Variants in PRKG1 observed in about 807,000 individuals in gnomAD.
The protein encoded by PRKG1 is protein kinase cGMP-dependent 1.
A neutral mutation model predicts 88.1 loss-of-function variants in PRKG1; 35 were observed. The observed-to-expected ratio is 0.40, with a 90% CI of 0.30 to 0.53. The LOEUF (loss-of-function observed/expected upper bound fraction) is 0.53, where lower values mean the gene tolerates loss of function less well. Among genes scored for constraint, PRKG1 ranks in the 20% least tolerant of loss-of-function variants. PRKG1 has a pLI of 0.59. For missense variants in PRKG1, 540 were observed against 839.8 expected, an observed-to-expected ratio of 0.64 and a Z score of 4.41; for synonymous variants, 303 against 292.5, an observed-to-expected ratio of 1.04 and a Z score of -0.37.
intron 5 of PRKG1, among the ~76,000 whole-genome samples, chr10:52,009,916 T>G (rs76010419): frequency 0.014 from 2,071 of 152,168 alleles, 47 homozygotes; most frequent in African/African-American, 0.048. Context: ...AAACAAGCAA[T>G]GGGGAAAGGA....
chr10:51,565,453 A>T (rs901075134), intron 3 of PRKG1, among the ~76,000 whole-genome samples: 2 of 152,080 alleles, frequency 1.3e-5, no homozygotes, highest in Non-Finnish European at 2.9e-5. Context: ...AATGTAAAGC[A>T]TACATCAAAC....
chr10:51,843,568 A>C (rs1389292994), intron 4 of PRKG1, among the ~76,000 whole-genome samples: 2 of 152,230 alleles, frequency 1.3e-5, no homozygotes, highest in African/African-American at 4.8e-5. Context: ...TTCTTCGTTT[A>C]GCGTTCAGCT....
At chr10:51,138,556 A>C (rs563343716) in intron 1 of PRKG1, among the ~76,000 whole-genome samples, 35 of 152,216 alleles carry the variant, frequency 2.3e-4, no homozygotes, top group African/African-American at 8.2e-4. Flanking sequence ...ATATTTCCTC[A>C]ATATTAGTGA....
intron 3 of PRKG1, among the ~76,000 whole-genome samples, chr10:51,504,451 C>A (rs1403674459): frequency 6.6e-6 from 1 of 152,132 alleles, no homozygotes; most frequent in Non-Finnish European, 1.5e-5. Flanking sequence ...CTTGGCAATG[C>A]AAGCTCTTTT....
At chr10:51,000,805 C>T (rs923718958) in intron 1 of PRKG1, among the ~76,000 whole-genome samples, 4 of 151,736 alleles carry the variant, frequency 2.6e-5, no homozygotes, top group African/African-American at 9.7e-5. Context: ...TAAGGGTACA[C>T]AAGAAAGTTT....
Position 52,109,902 on chromosome 10 carries a change from C to A in PRKG1, c.936-23938C>A, listed in dbSNP as rs1226588954. ...ACTTTGGATGGTGGTTCCTCATCTT[C>A]CCGGGCCATGTCCTGTATCACACCA... On this transcript the variant is annotated intron_variant, in intron 7 of 17. Coordinates refer to ENST00000373980, the MANE Select transcript of PRKG1 (RefSeq NM_006258.4). Among the ~76,000 whole-genome samples the A allele has an allele frequency of 2.6e-5, 4 of 151,956 alleles. 1 individual carries two copies. Among genetic ancestry groups the A allele is most frequent in the African/African-American group, 9.7e-5 (4 of 41,228 alleles).
intron 2 of PRKG1, among the ~76,000 whole-genome samples, chr10:51,226,443 C>G (rs1163387640): frequency 1.3e-5 from 2 of 152,020 alleles, no homozygotes; most frequent in African/African-American, 2.4e-5. Flanking sequence ...CATCAGTGTT[C>G]CCTATAATGT....
At chr10:51,210,839 A>G (rs998010657) in intron 2 of PRKG1, among the ~76,000 whole-genome samples, 8 of 152,188 alleles carry the variant, frequency 5.3e-5, no homozygotes, top group African/African-American at 1.9e-4. Context: ...ACCAACCAAA[A>G]AAAGTCCAGG....
intron 2 of PRKG1, among the ~76,000 whole-genome samples, chr10:51,176,258 G>A (rs1837188398): frequency 1.3e-5 from 2 of 152,138 alleles, no homozygotes; most frequent in Non-Finnish European, 2.9e-5. Context: ...GGTTCAGAGA[G>A]TGTATATTTC....
At chr10:51,804,564 T>A in intron 3 of PRKG1, 21 bp from the exon 4 acceptor site, 1 of 1,509,590 alleles carries the variant, frequency 6.6e-7, no homozygotes, top group African/African-American at 1.4e-5. Context: ...CCCTGTTTGT[T>A]TCTCTTTTAT....
intron 9 of PRKG1, among the ~76,000 whole-genome samples, chr10:52,233,574 T>C (rs1840585610): frequency 2.0e-5 from 3 of 146,602 alleles, no homozygotes; most frequent in Non-Finnish European, 4.5e-5. Flanking sequence ...GAAAATCGGG[T>C]CACTCCCACC....
Position 51,736,551 on chromosome 10 carries a change from ACTTT to A in PRKG1, c.593-68029_593-68026del, listed in dbSNP as rs1221046067. On this transcript the variant is annotated intron_variant, in intron 3 of 17. Coordinates refer to ENST00000373980, the MANE Select transcript of PRKG1 (RefSeq NM_006258.4). ...GATTTTACCACTGACATTTTACTAT[ACTTT>A]CTTTATCACATAGTTATCCATCACC... Among the ~76,000 whole-genome samples, 5 of 151,652 alleles carry A rather than the reference ACTTT, an allele frequency of 3.3e-5. No homozygotes were observed. In the East Asian group the frequency reaches 7.8e-4, roughly 24 times the overall value.
At chr10:51,743,035 C>T (rs192563303) in intron 3 of PRKG1, among the ~76,000 whole-genome samples, 1 of 151,826 alleles carries the variant, frequency 6.6e-6, no homozygotes, top group Non-Finnish European at 1.5e-5. Context: ...TATCCCAGAA[C>T]TTAAAGTAAA....
intron 2 of PRKG1, among the ~76,000 whole-genome samples, chr10:51,198,231 T>G (rs1837822062): frequency 6.6e-6 from 1 of 152,122 alleles, no homozygotes; most frequent in African/African-American, 2.4e-5. Context: ...AACTGGAGTT[T>G]GTCATATCTT....
chr10:51,662,199 A>G (rs1840317005), intron 3 of PRKG1, among the ~76,000 whole-genome samples: 1 of 152,176 alleles, frequency 6.6e-6, no homozygotes, highest in African/African-American at 2.4e-5. Context: ...CACGTTGTTA[A>G]CATGTACCCT....
intron 7 of PRKG1, among the ~76,000 whole-genome samples, chr10:52,097,976 A>C (rs532849957): frequency 3.3e-5 from 5 of 152,240 alleles, no homozygotes; most frequent in Non-Finnish European, 7.4e-5. Context: ...CTTAGCTATC[A>C]AGTACATTGC....
chr10:51,765,793 A>G (rs956782679), intron 3 of PRKG1, among the ~76,000 whole-genome samples: 29 of 49,950 alleles, frequency 5.8e-4, no homozygotes, highest in African/African-American at 2.6e-3. Context: ...TTTTGCCCCT[A>G]AGTATGCTGT....
chr10:52,290,188 A>T, intron 16 of PRKG1, 36 bp from the exon 17 acceptor site: 1 of 1,587,916 alleles, frequency 6.3e-7, no homozygotes, highest in Non-Finnish European at 8.6e-7. Context: ...TTTAGCTGAC[A>T]CAAAATGTTT....
intron 3 of PRKG1, chr10:51,699,483 T>C: frequency 6.2e-7 from 1 of 1,613,738 alleles, no homozygotes. Flanking sequence ...TCATATGGAA[T>C]GTTCCCCACG....
Sources: allele counts gnomAD v4.1 joint callset (sites outside exome capture counted in the v4.1 genomes callset), GRCh38; gene constraint gnomAD v4.1.1; transcripts MANE v1.5; gene names NCBI Gene and HGNC (gene_info 2026-07-23, HGNC 2026-07-21).